AFAP1: variants seen among roughly 807,000 people sequenced by gnomAD.
AFAP1 encodes actin filament-associated protein 1.
Under a neutral mutation model 93.9 loss-of-function variants are expected in AFAP1, and 75 were observed. That is an observed-to-expected ratio of 0.80 (90% CI 0.66 to 0.97). The LOEUF is 0.97. Ranked by LOEUF, AFAP1 falls within the 50% of genes least tolerant of loss-of-function variation. The probability of loss-of-function intolerance (pLI) is 0.00; values close to 1 mark genes in which losing one functional copy is unlikely to be tolerated. For synonymous variants in AFAP1, 517 were observed against 430.7 expected, an observed-to-expected ratio of 1.20 and a Z score of -2.48; for missense variants, 1,201 against 1,050.8, an observed-to-expected ratio of 1.14 and a Z score of -1.98.
intron 1 of AFAP1, among the ~76,000 whole-genome samples, chr4:7,936,742 C>CG (rs1394370349): frequency 3.3e-5 from 5 of 152,038 alleles, no homozygotes; most frequent in Admixed American, 6.6e-5. Context: ...CCACCACACC[C>CG]GGCTAACTTT....
chr4:7,932,999 AAC>A (rs1721166201), intron 1 of AFAP1, among the ~76,000 whole-genome samples: 1 of 142,348 alleles, frequency 7.0e-6, no homozygotes, highest in Non-Finnish European at 1.5e-5. Context: ...CAGCCTGGGC[AAC>A]AGAGTGAGAC....
intron 1 of AFAP1, among the ~76,000 whole-genome samples, chr4:7,918,492 GTC>G (rs1418390973): frequency 5.6e-5 from 7 of 125,960 alleles, no homozygotes; most frequent in African/African-American, 2.3e-4. Context: ...TTCGGCCCAG[GTC>G]ACCCGCAAAC....
chr4:7,870,145 G>A (rs1442483311), intron 2 of AFAP1, among the ~76,000 whole-genome samples: 1 of 152,158 alleles, frequency 6.6e-6, no homozygotes, highest in Non-Finnish European at 1.5e-5. Flanking sequence ...TATACACGGA[G>A]GAAACTGAAG....
chr4:7,831,737 C>A (rs1204692826), intron 6 of AFAP1, among the ~76,000 whole-genome samples: 1 of 152,168 alleles, frequency 6.6e-6, no homozygotes, highest in African/African-American at 2.4e-5. Context: ...TTCAGAGCGG[C>A]CTTTTTTGGG....
At chr4:7,835,987 C>G (rs1205162769) in intron 6 of AFAP1, among the ~76,000 whole-genome samples, 2 of 152,154 alleles carry the variant, frequency 1.3e-5, no homozygotes, top group African/African-American at 2.4e-5. Context: ...AGGGAAAATG[C>G]TCCTTGGTAG....
chr4:7,786,346 T>A, intron 11 of AFAP1, 35 bp from the exon 12 acceptor site: 1 of 1,551,596 alleles, frequency 6.4e-7, no homozygotes. Flanking sequence ...ATCCATAACC[T>A]GACCACCTTT....
intron 8 of AFAP1, among the ~76,000 whole-genome samples, chr4:7,812,942 A>C (rs1337902672): frequency 6.6e-6 from 1 of 152,144 alleles, no homozygotes; most frequent in Non-Finnish European, 1.5e-5. Context: ...CACAGCCCCC[A>C]AACAGAAGGT....
intron 6 of AFAP1, among the ~76,000 whole-genome samples, chr4:7,823,608 G>A (rs1201316031): frequency 6.6e-6 from 1 of 152,180 alleles, no homozygotes; most frequent in Non-Finnish European, 1.5e-5. Context: ...CTTTCTAGCA[G>A]ACAGACGACG....
intron 3 of AFAP1, among the ~76,000 whole-genome samples, chr4:7,857,745 TCAAA>T (rs1464531904): frequency 1.3e-5 from 2 of 152,188 alleles, no homozygotes; most frequent in African/African-American, 2.4e-5. Context: ...TTTAGCATGG[TCAAA>T]CAAACTATTC....
chr4:7,803,185 G>C (rs552748165), intron 9 of AFAP1, among the ~76,000 whole-genome samples: 31 of 152,346 alleles, frequency 2.0e-4, no homozygotes, highest in African/African-American at 7.2e-4. Context: ...GAAAGGAAGA[G>C]GAAGGCAAGG....
intron 11 of AFAP1, among the ~76,000 whole-genome samples, chr4:7,787,223 T>C (rs1224608074): frequency 6.6e-6 from 1 of 152,224 alleles, no homozygotes; most frequent in East Asian, 1.9e-4. Context: ...ACTGTGTGTA[T>C]GCGGCGGTGC....
At chr4:7,870,141 C>T (rs116170385) in intron 2 of AFAP1, among the ~76,000 whole-genome samples, 6 of 152,120 alleles carry the variant, frequency 3.9e-5, no homozygotes, top group South Asian at 2.1e-4. Flanking sequence ...TTTTTATACA[C>T]GGAGGAAACT....
chr4:7,827,777 G>C (rs899675727), intron 6 of AFAP1, among the ~76,000 whole-genome samples: 1 of 151,934 alleles, frequency 6.6e-6, no homozygotes, highest in African/African-American at 2.4e-5. Context: ...CAAATCTTAA[G>C]AGGAGGAAGG....
At chr4:7,764,616 C>A (rs952998495) in intron 17 of AFAP1, among the ~76,000 whole-genome samples, 6 of 152,198 alleles carry the variant, frequency 3.9e-5, no homozygotes, top group African/African-American at 1.4e-4. Flanking sequence ...ATGCTTAAAT[C>A]CAGTCAGCAG....
chr4:7,852,126 G>T (rs1334221957), intron 4 of AFAP1, among the ~76,000 whole-genome samples: 2 of 152,106 alleles, frequency 1.3e-5, no homozygotes, highest in Admixed American at 6.5e-5. Context: ...TAGGCTTGGG[G>T]GCAAGAGACT....
chr4:7,910,601 C>T (rs1260341499), intron 1 of AFAP1, among the ~76,000 whole-genome samples: 2 of 152,166 alleles, frequency 1.3e-5, no homozygotes, highest in South Asian at 2.1e-4. Flanking sequence ...CTCACAACAG[C>T]GGGAGTAACA....
chr4:7,872,025 T>G lies in AFAP1; in HGVS notation c.54A>C (p.Glu18Asp). The change falls in exon 2 of 18, where the codon GAA (glutamate) becomes GAC (aspartate). Residue 18 changes from glutamate to aspartate, a missense_variant. By Grantham distance (45) the Glu-to-Asp change is conservative (BLOSUM62 2). Transcript: ENST00000420658. ...TCTCCCTGACAGTTGAGGTTAGATA[T>G]TCATGGTCCAGGAGTTCAAGAAAGA... ...LRLFLELLDH[E>D]YLTSTVREKK... is the part of the protein sequence containing the mutation. 6.2e-7 allele frequency: 1 copy of G among 1,614,118 alleles called. No individual in the cohort carries two copies. The highest frequency in any genetic ancestry group is 8.5e-7 in the Non-Finnish European group (1 of 1,180,014).
At chr4:7,814,680 G>A (rs1429397619) in intron 8 of AFAP1, among the ~76,000 whole-genome samples, 10 of 152,194 alleles carry the variant, frequency 6.6e-5, no homozygotes, top group Admixed American at 6.5e-4. Flanking sequence ...GTCTGCAACC[G>A]AGATGCTTCC....
chr4:7,852,293 A>G (rs1350939878), intron 4 of AFAP1, among the ~76,000 whole-genome samples: 3 of 152,200 alleles, frequency 2.0e-5, no homozygotes, highest in Non-Finnish European at 4.4e-5. Context: ...TTCCTTCCCT[A>G]AAATGCTGGA....
Sources: allele counts gnomAD v4.1 joint callset (sites outside exome capture counted in the v4.1 genomes callset), GRCh38; gene constraint gnomAD v4.1.1; transcripts MANE v1.5; gene names NCBI Gene and HGNC (gene_info 2026-07-23, HGNC 2026-07-21).